The following BRD10 variants were observed in gnomAD, a reference collection of about 807,000 sequenced individuals.
BRD10 encodes uncharacterized bromodomain-containing protein 10.
the BRD10 span, among the ~76,000 whole-genome samples, chr9:5,952,030 T>TATTTATTC: frequency 1.3e-5 from 2 of 150,542 alleles, no homozygotes; most frequent in African/African-American, 5.0e-5. Context: ...TTTATTTATT[T>TATTTATTC]ATTTATTTAG....
chr9:5,985,793 AT>A, the BRD10 span, among the ~76,000 whole-genome samples: 23 of 151,754 alleles, frequency 1.5e-4, no homozygotes, highest in African/African-American at 4.3e-4. Flanking sequence ...CTCAAAAAAA[AT>A]AAATAAATAA....
chr9:5,992,184 TTATC>T, the BRD10 span, among the ~76,000 whole-genome samples: 1 of 152,218 alleles, frequency 6.6e-6, no homozygotes, highest in East Asian at 1.9e-4. Context: ...TTTTTGGTAA[TTATC>T]TAACAAAATG....
the BRD10 span, among the ~76,000 whole-genome samples, chr9:5,971,052 C>CAAAAAAAAAAAAAAAAAAAAAAAAAAA: frequency 4.6e-5 from 2 of 43,198 alleles, 1 homozygote; most frequent in Non-Finnish European, 9.4e-5. Flanking sequence ...AGCAACGTCT[C>CAAAAAAAAAAAAAAAAAAAAAAAAAAA]AAAAAAAAAA....
chr9:5,921,202 T>C, the BRD10 span: 1 of 1,613,838 alleles, frequency 6.2e-7, no homozygotes, highest in Admixed American at 1.7e-5. Flanking sequence ...CATTTTGTAA[T>C]ATGTTAATTG....
chr9:5,879,674 G>A, the BRD10 span, among the ~76,000 whole-genome samples: 2 of 152,122 alleles, frequency 1.3e-5, no homozygotes, highest in Admixed American at 1.3e-4. Context: ...ACACTGGGCT[G>A]GACCAATTAA....
chr9:5,990,823 GTAATAATCA>G, the BRD10 span, among the ~76,000 whole-genome samples: 2 of 152,128 alleles, frequency 1.3e-5, no homozygotes, highest in East Asian at 3.8e-4. Context: ...AGTCAATTTA[GTAATAATCA>G]TTAAAGTTTA....
At chr9:5,980,686 G>T in the BRD10 span, among the ~76,000 whole-genome samples, 1 of 152,004 alleles carries the variant, frequency 6.6e-6, no homozygotes, top group African/African-American at 2.4e-5. Context: ...TGTATATAGA[G>T]AGAGAGAGAG....
the BRD10 span, chr9:5,909,465 T>A: frequency 1.3e-5 from 2 of 152,178 alleles, no homozygotes; most frequent in Non-Finnish European, 2.9e-5. Flanking sequence ...TCCATGTTGG[T>A]CAGGCTGGTC....
chr9:5,923,158 C>T, the BRD10 span: 2 of 1,613,978 alleles, frequency 1.2e-6, no homozygotes, highest in Non-Finnish European at 1.7e-6. Flanking sequence ...TTGGAGAAAG[C>T]TCTTTTGTGC....
the BRD10 span, among the ~76,000 whole-genome samples, chr9:5,992,716 CT>C: frequency 0.016 from 2,342 of 149,240 alleles, 45 homozygotes; most frequent in African/African-American, 0.04. Flanking sequence ...CTTTCTCCCC[CT>C]TTTTTTTTTT....
the BRD10 span, among the ~76,000 whole-genome samples, chr9:5,948,386 T>G: frequency 6.6e-6 from 1 of 152,126 alleles, no homozygotes; most frequent in Non-Finnish European, 1.5e-5. Context: ...AGTTTTAGGA[T>G]TCAGTTTATA....
chr9:6,000,387 A>G, the BRD10 span, among the ~76,000 whole-genome samples: 2 of 152,174 alleles, frequency 1.3e-5, no homozygotes, highest in East Asian at 3.8e-4. Flanking sequence ...GAAAATGGCT[A>G]TTATTTGTTC....
chr9:5,928,906 T>C, the BRD10 span: 12 of 540,242 alleles, frequency 2.2e-5, no homozygotes, highest in South Asian at 3.1e-5. Context: ...AGAAAGAGCC[T>C]TGCACACAGT....
At chr9:5,923,053 C>T in the BRD10 span, 28 of 1,613,948 alleles carry the variant, frequency 1.7e-5, no homozygotes, top group East Asian at 6.0e-4. Context: ...GAAATGATGG[C>T]TCTGTATGCT....
the BRD10 span, among the ~76,000 whole-genome samples, chr9:5,930,389 A>G: frequency 2.7e-5 from 4 of 149,052 alleles, no homozygotes; most frequent in Admixed American, 6.7e-5. Flanking sequence ...ATATATATAT[A>G]TATATGACCT....
chr9:5,933,710 G>C, the BRD10 span: 1 of 452,912 alleles, frequency 2.2e-6, no homozygotes, highest in South Asian at 1.6e-5. Flanking sequence ...AAGAAAAGCT[G>C]CATCTCTATG....
chr9:5,977,007 G>A, the BRD10 span, among the ~76,000 whole-genome samples: 2 of 152,206 alleles, frequency 1.3e-5, no homozygotes, highest in East Asian at 1.9e-4. Context: ...ATAAAGATTG[G>A]TGATAAGGTA....
chr9:5,977,526 T>C, the BRD10 span, among the ~76,000 whole-genome samples: 21 of 152,306 alleles, frequency 1.4e-4, no homozygotes, highest in South Asian at 2.1e-4. Context: ...TTAACACTTA[T>C]AGTTAAAAAT....
At chr9:5,889,844 G>A in the BRD10 span, among the ~76,000 whole-genome samples, 31 of 151,892 alleles carry the variant, frequency 2.0e-4, no homozygotes, top group East Asian at 7.7e-4. Context: ...GTCCGACACC[G>A]CAATTACTTT....
Sources: allele counts gnomAD v4.1 joint callset (sites outside exome capture counted in the v4.1 genomes callset), GRCh38; gene constraint gnomAD v4.1.1; transcripts MANE v1.5; gene names NCBI Gene and HGNC (gene_info 2026-07-23, HGNC 2026-07-21).